Variants in HPSE2 observed in about 807,000 individuals in gnomAD.
HPSE2 encodes the protein inactive heparanase-2.
HPSE2 carries 38 observed loss-of-function variants against 60.5 expected under a neutral mutation model. That is an observed-to-expected ratio of 0.63 (90% CI 0.48 to 0.82). The LOEUF is 0.82. HPSE2 is among the 40% of genes least tolerant of loss of function. The pLI, the probability that HPSE2 is intolerant of heterozygous loss-of-function variation, is 0.00. For synonymous variants in HPSE2, 295 were observed against 293.2 expected (o/e 1.01, Z -0.06); for missense variants, 713 against 740.4 (o/e 0.96, Z 0.43).
At chr10:99,221,566 T>C (rs1849314932) in intron 2 of HPSE2, among the ~76,000 whole-genome samples, 1 of 152,142 alleles carries the variant, frequency 6.6e-6, no homozygotes, top group East Asian at 1.9e-4. Context: ...GTTTCATAAA[T>C]GAATTAATTA....
chr10:98,483,464 T>C (rs2133652228), intron 10 of HPSE2, among the ~76,000 whole-genome samples: 1 of 152,318 alleles, frequency 6.6e-6, no homozygotes, highest in East Asian at 1.9e-4. Context: ...TGTATAAACT[T>C]TTTGATTATT....
At chr10:98,923,845 C>G (rs1365848169) in intron 3 of HPSE2, among the ~76,000 whole-genome samples, 1 of 152,082 alleles carries the variant, frequency 6.6e-6, no homozygotes, top group Non-Finnish European at 1.5e-5. Flanking sequence ...GTCAAAACAG[C>G]TATTTTGAAT....
At chr10:98,979,683 G>A (rs957872359) in intron 3 of HPSE2, among the ~76,000 whole-genome samples, 2 of 152,158 alleles carry the variant, frequency 1.3e-5, no homozygotes, top group African/African-American at 2.4e-5. Flanking sequence ...CAATGGCTCT[G>A]TATTTGCTAA....
intron 4 of HPSE2, among the ~76,000 whole-genome samples, chr10:98,722,857 G>T (rs1234276515): frequency 6.6e-6 from 1 of 152,184 alleles, no homozygotes; most frequent in African/African-American, 2.4e-5. Context: ...TATAATAGGA[G>T]ATTTTGGGCT....
intron 3 of HPSE2, among the ~76,000 whole-genome samples, chr10:98,821,387 T>C (rs1174903151): frequency 6.6e-6 from 1 of 152,232 alleles, no homozygotes; most frequent in Non-Finnish European, 1.5e-5. Context: ...TATAGCATGA[T>C]GCTAAGTATT....
chr10:99,166,514 G>T lies in HPSE2; in HGVS notation c.449-22115C>A, dbSNP rs1213255986. Among the ~76,000 whole-genome samples, 25 of 151,950 alleles carry T rather than the reference G, an allele frequency of 1.6e-4. 1 individual carries two copies. The highest frequency in any genetic ancestry group is 1.6e-3 in the Admixed American group (24 of 15,226). On this transcript the variant is annotated intron_variant, in intron 2 of 11. Transcript: ENST00000370552. ...TTAGACTTCTAATACAGTTATAGGG[G>T]TATCTCATTGTGGTATTTTCAGTTA...
At chr10:99,139,482 A>G (rs1845785941) in intron 3 of HPSE2, among the ~76,000 whole-genome samples, 1 of 150,166 alleles carries the variant, frequency 6.7e-6, no homozygotes, top group Non-Finnish European at 1.5e-5. Flanking sequence ...CAAAACTAAA[A>G]CTGAAAAGAG....
chr10:99,015,156 A>T, intron 3 of HPSE2, among the ~76,000 whole-genome samples: 1 of 151,792 alleles, frequency 6.6e-6, no homozygotes, highest in Non-Finnish European at 1.5e-5. Flanking sequence ...ATCATTAAAA[A>T]GTCAGGAAAC....
chr10:99,243,829 A>T, the HPSE2 span, among the ~76,000 whole-genome samples: 1 of 151,870 alleles, frequency 6.6e-6, no homozygotes, highest in East Asian at 1.9e-4. Flanking sequence ...CCAGCTACTC[A>T]GGAGGCTGAC....
chr10:98,662,132 A>T (rs1298348200), intron 6 of HPSE2, among the ~76,000 whole-genome samples: 5 of 152,126 alleles, frequency 3.3e-5, no homozygotes, highest in Non-Finnish European at 7.4e-5. Flanking sequence ...TGACCTCATG[A>T]TCTGCCCGCC....
At chr10:98,599,557 C>G (rs368426443) in intron 9 of HPSE2, among the ~76,000 whole-genome samples, 9 of 152,246 alleles carry the variant, frequency 5.9e-5, no homozygotes, top group African/African-American at 1.9e-4. Flanking sequence ...GGGGGCCTGA[C>G]CAGTGCTCAG....
chr10:98,611,825 T>C (rs1945769956), intron 9 of HPSE2, among the ~76,000 whole-genome samples: 1 of 152,234 alleles, frequency 6.6e-6, no homozygotes, highest in Non-Finnish European at 1.5e-5. Flanking sequence ...ACAGTTTCTT[T>C]ATTACAGCTT....
chr10:99,047,954 C>T (rs1264924062), intron 3 of HPSE2: 16 of 736,182 alleles, frequency 2.2e-5, no homozygotes, highest in Non-Finnish European at 3.2e-5. Context: ...CCCAAAGGTC[C>T]GAAAGATGTT....
chr10:99,000,953 A>G (rs1956764669), intron 3 of HPSE2, among the ~76,000 whole-genome samples: 1 of 152,212 alleles, frequency 6.6e-6, no homozygotes. Flanking sequence ...ATTGGTCTCA[A>G]TACACCAAAG....
At chr10:98,738,361 G>A (rs552118565) in intron 4 of HPSE2, among the ~76,000 whole-genome samples, 72 of 152,170 alleles carry the variant, frequency 4.7e-4, no homozygotes, top group African/African-American at 1.7e-3. Flanking sequence ...AAGACCTAAA[G>A]CCATAAAAAC....
intron 3 of HPSE2, among the ~76,000 whole-genome samples, chr10:98,770,655 CCT>C (rs1950221081): frequency 1.3e-5 from 2 of 152,108 alleles, no homozygotes; most frequent in African/African-American, 2.4e-5. Context: ...CCTCGCCTCC[CCT>C]TCCCCCAACC....
chr10:98,525,163 A>G (rs1206800903), intron 9 of HPSE2, among the ~76,000 whole-genome samples: 8 of 152,142 alleles, frequency 5.3e-5, no homozygotes, highest in Non-Finnish European at 1.0e-4. Flanking sequence ...GGTGCCCACC[A>G]CCATCCCCAG....
At chr10:98,942,631 T>G (rs1955045545) in intron 3 of HPSE2, among the ~76,000 whole-genome samples, 2 of 152,302 alleles carry the variant, frequency 1.3e-5, no homozygotes, top group Non-Finnish European at 2.9e-5. Context: ...ACACTGTTGG[T>G]GGGACTGTCA....
chr10:98,595,964 G>GT (rs1403122709), intron 9 of HPSE2, among the ~76,000 whole-genome samples: 14 of 152,258 alleles, frequency 9.2e-5, no homozygotes, highest in Admixed American at 1.3e-4. Flanking sequence ...ATGATTATAT[G>GT]TTTTTTGTCC....
Sources: gnomAD v4.1 joint callset for allele counts (sites outside exome capture counted in the v4.1 genomes callset) on GRCh38, gnomAD v4.1.1 for gene constraint, MANE v1.5 for transcripts, NCBI Gene and HGNC (gene_info 2026-07-23, HGNC 2026-07-21) for gene names.